Variants in NREP observed in about 807,000 individuals in gnomAD.
The protein encoded by NREP is neuronal regeneration related protein, also known as neuronal regeneration-related protein.
NREP carries 5 observed loss-of-function variants against 8.6 expected under a neutral mutation model. The observed-to-expected ratio is 0.58, with a 90% CI of 0.30 to 1.22. The LOEUF (loss-of-function observed/expected upper bound fraction) is 1.22, where lower values mean the gene tolerates loss of function less well. NREP is among the 50% of genes most tolerant of loss of function. The pLI, the probability that NREP is intolerant of heterozygous loss-of-function variation, is 0.07. For missense variants in NREP, 86 were observed against 82.5 expected (o/e 1.04, Z -0.17); for synonymous variants, 27 against 28.0 (o/e 0.96, Z 0.11).
At chr5:111,913,208 G>A (rs1754962474) in intron 2 of NREP, among the ~76,000 whole-genome samples, 1 of 152,012 alleles carries the variant, frequency 6.6e-6, no homozygotes, top group Non-Finnish European at 1.5e-5. Context: ...GAAATGAATA[G>A]GAGTCATGGA....
At chr5:111,866,860 C>T (rs1485867349) in intron 2 of NREP, among the ~76,000 whole-genome samples, 3 of 151,952 alleles carry the variant, frequency 2.0e-5, no homozygotes, top group Non-Finnish European at 1.5e-5. Context: ...ATGGATGAAG[C>T]TGGAAACCAT....
chr5:111,760,944 A>G (rs1223971908), upstream of NREP, among the ~76,000 whole-genome samples: 1 of 152,210 alleles, frequency 6.6e-6, no homozygotes, highest in African/African-American at 2.4e-5. Flanking sequence ...TCTCAAATCT[A>G]TATATTCCTG....
intron 2 of NREP, among the ~76,000 whole-genome samples, chr5:111,772,830 G>A (rs1561660597): frequency 1.3e-5 from 2 of 152,152 alleles, no homozygotes; most frequent in East Asian, 3.9e-4. Context: ...TTAATAATAG[G>A]AGTTTAATAT....
chr5:111,963,108 G>A (rs776203808), intron 2 of NREP, among the ~76,000 whole-genome samples: 5 of 152,250 alleles, frequency 3.3e-5, no homozygotes, highest in Non-Finnish European at 7.3e-5. Context: ...ATAACACATG[G>A]CTGTCCACAG....
At chr5:111,942,079 G>T (rs567254675) in intron 2 of NREP, among the ~76,000 whole-genome samples, 4 of 152,038 alleles carry the variant, frequency 2.6e-5, no homozygotes, top group Admixed American at 6.6e-5. Context: ...GATTCCATGA[G>T]ACATCATTTT....
intron 2 of NREP, among the ~76,000 whole-genome samples, chr5:111,900,888 AT>A (rs2112547847): frequency 6.6e-6 from 1 of 152,270 alleles, no homozygotes; most frequent in South Asian, 2.1e-4. Context: ...AAAGGAGGGA[AT>A]TTTTCTTAAT....
intron 2 of NREP, among the ~76,000 whole-genome samples, chr5:111,886,348 A>G (rs1317669700): frequency 3.3e-5 from 5 of 151,452 alleles, no homozygotes; most frequent in Non-Finnish European, 4.4e-5. Context: ...ATGTGGAGAA[A>G]TAGGAACACT....
chr5:111,755,799 A>G lies in NREP; in HGVS notation c.-27T>C. ...TTGAGAATCTTAGTCTTGGGCTTCT[A>G]TTCTCCCTCTCTTCAGTCCAGGGAG... On this transcript the variant is annotated 5_prime_UTR_variant, in exon 2 of 4. Coordinates refer to ENST00000257435, the MANE Select transcript of NREP (RefSeq NM_004772.4). The G allele has an allele frequency of 1.2e-6, 2 of 1,613,844 alleles. No homozygotes were observed. Among genetic ancestry groups the G allele is most frequent in the Non-Finnish European group, 1.7e-6 (2 of 1,179,790 alleles).
chr5:111,947,807 G>T (rs1756033778), intron 2 of NREP, among the ~76,000 whole-genome samples: 1 of 151,988 alleles, frequency 6.6e-6, no homozygotes, highest in African/African-American at 2.4e-5. Flanking sequence ...AGCAATATTT[G>T]ATAGCATATT....
At chr5:111,881,251 C>T (rs529553985) in intron 2 of NREP, among the ~76,000 whole-genome samples, 4 of 152,320 alleles carry the variant, frequency 2.6e-5, no homozygotes, top group African/African-American at 9.6e-5. Flanking sequence ...GATCAAACTG[C>T]AAGGTGGCAG....
chr5:111,737,732 AAAAC>A lies in NREP; in HGVS notation c.4-2229_4-2226del, dbSNP rs1749266045. On this transcript the variant is annotated intron_variant, in intron 2 of 3. Transcript: ENST00000257435. ...CCATTTGCTAAAAAAAAAAAAAACA[AAAAC>A]AAAAACAAAAAAAAAGCCAATGACT... is the stretch of plus-strand genomic sequence containing the variant. Among the ~76,000 whole-genome samples the A allele has an allele frequency of 2.0e-5, 3 of 149,916 alleles. No homozygotes were observed. In the South Asian group the frequency reaches 6.3e-4, roughly 32 times the overall value.
chr5:111,921,246 T>C (rs1015689868), intron 2 of NREP, among the ~76,000 whole-genome samples: 1 of 152,088 alleles, frequency 6.6e-6, no homozygotes, highest in Non-Finnish European at 1.5e-5. Flanking sequence ...TACTTCCTGC[T>C]GGAGATGGTC....
At chr5:111,776,368 A>C (rs753097134) in intron 2 of NREP, among the ~76,000 whole-genome samples, 8 of 152,214 alleles carry the variant, frequency 5.3e-5, no homozygotes, top group Non-Finnish European at 7.3e-5. Flanking sequence ...GCTGTTAAAA[A>C]GAATGATCAA....
At chr5:111,734,705 A>C in intron 3 of NREP, 1 of 700,544 alleles carries the variant, frequency 1.4e-6, no homozygotes, top group Non-Finnish European at 2.6e-6. Flanking sequence ...TTTCAAATAG[A>C]AATTTTATTT....
chr5:111,853,492 T>G (rs1313193398), intron 2 of NREP, among the ~76,000 whole-genome samples: 4 of 148,512 alleles, frequency 2.7e-5, no homozygotes, highest in Non-Finnish European at 6.0e-5. Flanking sequence ...GGGGGAGGGT[T>G]GTATATAAGA....
At chr5:111,755,530 G>T in intron 2 of NREP, 1 of 536,938 alleles carries the variant, frequency 1.9e-6, no homozygotes. Flanking sequence ...CCTCACTTCT[G>T]AAAGAGGAAT....
chr5:111,951,387 G>A (rs992192087), intron 2 of NREP, among the ~76,000 whole-genome samples: 1 of 151,880 alleles, frequency 6.6e-6, no homozygotes, highest in East Asian at 1.9e-4. Context: ...AGGGGTAAAC[G>A]AACAATGCCT....
At chr5:111,924,944 G>C (rs964687958) in intron 2 of NREP, among the ~76,000 whole-genome samples, 1 of 152,100 alleles carries the variant, frequency 6.6e-6, no homozygotes, top group Non-Finnish European at 1.5e-5. Flanking sequence ...AAGGGAGTGG[G>C]ACTTTCAGGC....
At chr5:111,938,158 G>A (rs559425139) in intron 2 of NREP, among the ~76,000 whole-genome samples, 1 of 151,972 alleles carries the variant, frequency 6.6e-6, no homozygotes, top group South Asian at 2.1e-4. Flanking sequence ...ACTCTTCCTG[G>A]CCATGCTCAC....
Sources: gnomAD v4.1 joint callset for allele counts (sites outside exome capture counted in the v4.1 genomes callset) on GRCh38, gnomAD v4.1.1 for gene constraint, MANE v1.5 for transcripts, NCBI Gene and HGNC (gene_info 2026-07-23, HGNC 2026-07-21) for gene names.